LRRC4C: variants seen among roughly 807,000 people sequenced by gnomAD.
The protein encoded by LRRC4C is leucine rich repeat containing 4C.
Under a neutral mutation model 33.6 loss-of-function variants are expected in LRRC4C, and 5 were observed. The observed-to-expected ratio is 0.15, with a 90% CI of 0.08 to 0.31. LRRC4C has a LOEUF of 0.31. Ranked by LOEUF, LRRC4C falls within the 10% of genes least tolerant of loss-of-function variation. The pLI is 1.00. For synonymous variants in LRRC4C, 329 were observed against 302.0 expected (o/e 1.09, Z -0.93); for missense variants, 560 against 796.7 (o/e 0.70, Z 3.58).
intron 1 of LRRC4C, among the ~76,000 whole-genome samples, chr11:41,188,098 T>G (rs188862185): frequency 6.6e-6 from 1 of 152,104 alleles, no homozygotes; most frequent in Admixed American, 6.6e-5. Context: ...TTTCACAAAT[T>G]TCCTGTTTAA....
chr11:40,318,784 G>C (rs1334904793), intron 4 of LRRC4C, among the ~76,000 whole-genome samples: 4 of 152,012 alleles, frequency 2.6e-5, no homozygotes, highest in African/African-American at 9.7e-5. Flanking sequence ...TCTGCAATGG[G>C]TTTTTATTTT....
intron 1 of LRRC4C, among the ~76,000 whole-genome samples, chr11:41,397,529 T>C (rs1185267079): frequency 6.6e-6 from 1 of 152,048 alleles, no homozygotes; most frequent in Middle Eastern, 3.4e-3. Context: ...CTGTTGGGTG[T>C]TATTGATAAG....
intron 1 of LRRC4C, among the ~76,000 whole-genome samples, chr11:41,358,170 T>C (rs1952228409): frequency 6.6e-6 from 1 of 152,070 alleles, no homozygotes; most frequent in African/African-American, 2.4e-5. Flanking sequence ...CTTTTTGAAA[T>C]GATGCTCAAA....
intron 3 of LRRC4C, among the ~76,000 whole-genome samples, chr11:40,497,028 G>A (rs1174765918): frequency 1.3e-5 from 2 of 152,138 alleles, no homozygotes; most frequent in Non-Finnish European, 2.9e-5. Flanking sequence ...TTCAAGTCTT[G>A]TTCTTGATCC....
intron 1 of LRRC4C, among the ~76,000 whole-genome samples, chr11:40,945,667 T>G (rs1958364032): frequency 6.6e-6 from 1 of 152,110 alleles, no homozygotes; most frequent in African/African-American, 2.4e-5. Flanking sequence ...ACCCAGAATT[T>G]CAACATCATT....
At chr11:40,246,843 TTTC>T (rs1348494223) in intron 4 of LRRC4C, among the ~76,000 whole-genome samples, 1 of 152,230 alleles carries the variant, frequency 6.6e-6, no homozygotes, top group Admixed American at 6.5e-5. Flanking sequence ...TATGTTCATA[TTTC>T]TTCTAGTATT....
At chr11:41,069,007 C>T (rs1392214476) in intron 1 of LRRC4C, among the ~76,000 whole-genome samples, 2 of 152,060 alleles carry the variant, frequency 1.3e-5, no homozygotes, top group Non-Finnish European at 2.9e-5. Context: ...AATATCAATG[C>T]AAAAATCCTC....
chr11:40,502,157 C>T (rs1954808255), intron 3 of LRRC4C, among the ~76,000 whole-genome samples: 1 of 152,164 alleles, frequency 6.6e-6, no homozygotes, highest in African/African-American at 2.4e-5. Flanking sequence ...TCATCCTGGA[C>T]TTTATTGTCT....
chr11:40,986,598 CAGAG>C (rs372189726), intron 1 of LRRC4C, among the ~76,000 whole-genome samples: 3 of 151,462 alleles, frequency 2.0e-5, no homozygotes, highest in Admixed American at 2.0e-4. Context: ...GAAAAAAAGA[CAGAG>C]AGAGAGAGGG....
At chr11:41,104,967 G>T (rs933934776) in intron 1 of LRRC4C, among the ~76,000 whole-genome samples, 5 of 151,774 alleles carry the variant, frequency 3.3e-5, no homozygotes, top group African/African-American at 4.8e-5. Flanking sequence ...ATGGGTAAAA[G>T]GTTCCTATTT....
chr11:40,395,008 T>C (rs917494509), intron 3 of LRRC4C, among the ~76,000 whole-genome samples: 1 of 152,112 alleles, frequency 6.6e-6, no homozygotes, highest in African/African-American at 2.4e-5. Flanking sequence ...TCATTGAAAG[T>C]CTAATGATAG....
chr11:40,186,801 G>A lies in LRRC4C; in HGVS notation c.-95-45948C>T, dbSNP rs549711631. ...TCTCTCTGACATTTCTGCAGTTACC[G>A]GCTCAATAAGGAAGAGATGCTGATG... is the stretch of plus-strand genomic sequence containing the variant. On this transcript the variant is annotated intron_variant, in intron 5 of 6. Transcript: ENST00000528697. Among the ~76,000 whole-genome samples, 197 of 152,280 alleles carry A rather than the reference G, an allele frequency of 1.3e-3. 5 individuals carry two copies. The South Asian group carries it at 0.038, about 30-fold the overall frequency.
At chr11:40,440,880 T>TTTA (rs398015848) in intron 3 of LRRC4C, among the ~76,000 whole-genome samples, 1 of 148,552 alleles carries the variant, frequency 6.7e-6, no homozygotes, top group African/African-American at 2.5e-5. Context: ...TTTTTTTTTT[T>TTTA]ATTAGTGCAG....
intron 1 of LRRC4C, among the ~76,000 whole-genome samples, chr11:41,392,920 T>G (rs1953661675): frequency 6.6e-6 from 1 of 151,760 alleles, no homozygotes; most frequent in African/African-American, 2.4e-5. Flanking sequence ...GAGAATAAAT[T>G]TAGGGCAGTC....
intron 1 of LRRC4C, among the ~76,000 whole-genome samples, chr11:41,403,612 G>A (rs1954107763): frequency 1.3e-5 from 2 of 152,094 alleles, no homozygotes; most frequent in African/African-American, 4.8e-5. Flanking sequence ...AACTGATTAA[G>A]AGCAAATTGG....
At chr11:40,873,364 A>G (rs1468017654) in intron 2 of LRRC4C, among the ~76,000 whole-genome samples, 1 of 152,188 alleles carries the variant, frequency 6.6e-6, no homozygotes. Context: ...GTCATTCTGT[A>G]TCAGAAACTG....
At chr11:41,035,224 A>T (rs969705887) in intron 1 of LRRC4C, among the ~76,000 whole-genome samples, 10 of 151,296 alleles carry the variant, frequency 6.6e-5, no homozygotes, top group South Asian at 2.1e-4. Context: ...TAAATAAATA[A>T]ATATATAAAT....
intron 2 of LRRC4C, among the ~76,000 whole-genome samples, chr11:40,814,566 T>A (rs978829599): frequency 6.6e-6 from 1 of 152,092 alleles, no homozygotes; most frequent in Admixed American, 6.6e-5. Flanking sequence ...TTGTTCCTTG[T>A]GCAAATTTCT....
chr11:40,654,939 T>C (rs1216509292), intron 2 of LRRC4C, among the ~76,000 whole-genome samples: 2 of 152,192 alleles, frequency 1.3e-5, no homozygotes, highest in Non-Finnish European at 2.9e-5. Flanking sequence ...TTTAAGTGTC[T>C]GGCATTTCCA....
Sources: allele counts gnomAD v4.1 joint callset (sites outside exome capture counted in the v4.1 genomes callset), GRCh38; gene constraint gnomAD v4.1.1; transcripts MANE v1.5; gene names NCBI Gene and HGNC (gene_info 2026-07-23, HGNC 2026-07-21).